The following AKT1 variants were observed in gnomAD, a reference collection of about 807,000 sequenced individuals.
The protein encoded by AKT1 is RAC-alpha serine/threonine-protein kinase.
In AKT1, 21 loss-of-function variants were observed where a neutral mutation model predicts 63.1. The observed-to-expected ratio is 0.33, with a 90% CI of 0.24 to 0.48. The LOEUF is 0.48. Ranked by LOEUF, AKT1 falls within the 20% of genes least tolerant of loss-of-function variation. The pLI is 0.99. For missense variants in AKT1, 382 were observed against 666.0 expected, an observed-to-expected ratio of 0.57 and a Z score of 4.69; for synonymous variants, 257 against 253.1, an observed-to-expected ratio of 1.02 and a Z score of -0.15.
chr14:104,776,693 C>T lies in AKT1; in HGVS notation c.253G>A (p.Glu85Lys), dbSNP rs1566818890. ...IRCLQWTTVI[E>K]RTFHVETPEE... ...GGAGTCTCCACATGGAAGGTGCGTTCGATGACAGTGGTCCACTGCAGGCAG... is the reference window on the plus strand; with the variant it reads ...GGAGTCTCCACATGGAAGGTGCGTTTGATGACAGTGGTCCACTGCAGGCAG... Residue 85 changes from glutamate (E) to lysine (K), a missense_variant, in exon 5 of 15, where the codon GAA becomes AAA. Coordinates refer to ENST00000649815, the MANE Select transcript of AKT1 (RefSeq NM_001382430.1). The T allele has an allele frequency of 6.2e-7, 1 of 1,613,444 alleles. No individual in the cohort carries two copies. Among genetic ancestry groups the T allele is most frequent in the Non-Finnish European group, 8.5e-7 (1 of 1,179,818 alleles).
chr14:104,773,970 T>C lies in AKT1; in HGVS notation c.644A>G (p.Tyr215Cys), dbSNP rs760384228. Reference protein sequence around the residue: ...SRHPFLTALKYSFQTHDRLCF... With the variant: ...SRHPFLTALKCSFQTHDRLCF... ...GAGGCGGTCGTGGGTCTGGAAAGAG[T>C]ACTTCAGGGCCTGCAAGGAAGGGGA... The change falls in exon 9 of 15, where the codon TAC becomes TGC. Residue 215 changes from tyrosine (Y) to cysteine (C), a missense_variant. Tyr to Cys is a radical substitution (Grantham distance 194, BLOSUM62 -2). Coordinates refer to ENST00000649815, the MANE Select transcript of AKT1 (RefSeq NM_001382430.1). 6.2e-7 allele frequency: 1 copy of C among 1,611,362 alleles called. No individual in the cohort carries two copies. The highest frequency in any genetic ancestry group is 1.1e-5 in the South Asian group (1 of 90,848).
chr14:104,775,267 T>C (rs2140919469), intron 6 of AKT1, 60 bp from the exon 7 acceptor site: 1 of 1,603,590 alleles, frequency 6.2e-7, no homozygotes, highest in Non-Finnish European at 8.5e-7. Flanking sequence ...CTGGTCGGCA[T>C]GCGTGGGGTG....
rs61758558 is a variant in AKT1, at chr14:104,790,018, G to T, written c.46+2580C>A. Reference sequence around the variant, plus strand: ...GATGACGCTCACCTCCCAAGGAGCAGGAGAAGGAGCCTGCAGACACTGCCA... The same window carrying T: ...GATGACGCTCACCTCCCAAGGAGCATGAGAAGGAGCCTGCAGACACTGCCA... On this transcript the variant is annotated intron_variant, in intron 3 of 14. Transcript: ENST00000649815. Among the ~76,000 whole-genome samples, 398 of 152,330 alleles carry T rather than the reference G, an allele frequency of 2.6e-3. 1 individual carries two copies. The highest frequency in any genetic ancestry group is 9.4e-3 in the African/African-American group (389 of 41,566).
intron 4 of AKT1, among the ~76,000 whole-genome samples, chr14:104,779,400 T>A (rs886642634): frequency 9.9e-5 from 15 of 152,174 alleles, no homozygotes; most frequent in Admixed American, 7.2e-4. Flanking sequence ...GATGGAGGCT[T>A]CAGAGCTGGA....
rs61761200 is a variant in AKT1, at chr14:104,772,617, C to T, written c.1173-165G>A. On this transcript the variant is annotated intron_variant, in intron 12 of 14. Coordinates refer to ENST00000649815, the MANE Select transcript of AKT1 (RefSeq NM_001382430.1). ...CTGAGCAGCTGTGGGTAGCAAAGCA[C>T]CACAGAGCTCACGGCAGGGCAGGGG... is the stretch of plus-strand genomic sequence containing the variant. Among the ~76,000 whole-genome samples the T allele has an allele frequency of 0.025, 3,758 of 152,308 alleles. 91 individuals are homozygous for T. Among genetic ancestry groups the T allele is most frequent in the African/African-American group, 0.065 (2,708 of 41,566 alleles).
At chr14:104,775,903 G>C (rs184103453) in intron 5 of AKT1, 104 bp from the exon 6 acceptor site, 1 of 1,416,672 alleles carries the variant, frequency 7.1e-7, no homozygotes, top group Non-Finnish European at 9.5e-7. Flanking sequence ...CACAGCTGTC[G>C]GGGTTCCCAG....
chr14:104,770,894 C>G (rs1595239216), intron 13 of AKT1, 47 bp from the exon 14 acceptor site: 1 of 1,543,340 alleles, frequency 6.5e-7, no homozygotes, highest in African/African-American at 1.4e-5. Flanking sequence ...GCTCCCCACT[C>G]CCAGCACACC....
chr14:104,787,214 A>G (rs1394109870), intron 3 of AKT1, among the ~76,000 whole-genome samples: 2 of 152,170 alleles, frequency 1.3e-5, no homozygotes, highest in African/African-American at 4.8e-5. Flanking sequence ...AAACACACCT[A>G]AAGGCGGCAT....
At chr14:104,794,440 A>T (rs1398166646) in intron 1 of AKT1, 1 of 152,282 alleles carries the variant, frequency 6.6e-6, no homozygotes, top group East Asian at 1.9e-4. Flanking sequence ...ACACCAGGCC[A>T]GCACAGGGCT....
intron 5 of AKT1, 40 bp downstream of exon 5, chr14:104,776,619 G>C (rs761224369): frequency 8.2e-6 from 13 of 1,580,032 alleles, no homozygotes; most frequent in Non-Finnish European, 1.1e-5. Flanking sequence ...AAGCGCTGGG[G>C]CTGCCCAAGT....
intron 4 of AKT1, among the ~76,000 whole-genome samples, chr14:104,779,677 C>CCGGCCT (rs1892923954): frequency 6.7e-6 from 1 of 149,442 alleles, no homozygotes; most frequent in African/African-American, 2.5e-5. Flanking sequence ...CCCTGCCCAG[C>CCGGCCT]CGGCCTCGGC....
chr14:104,781,893 C>A lies in AKT1; in HGVS notation c.47-1677G>T, dbSNP rs1050229929. ...CAGGGCCCAGAATCTGCCCCTGTGC[C>A]CAAGAGCACTCATCAGGAGACCCCA... is the stretch of plus-strand genomic sequence containing the variant. On this transcript the variant is annotated intron_variant, in intron 3 of 14. Coordinates refer to ENST00000649815, the MANE Select transcript of AKT1 (RefSeq NM_001382430.1). 3.0e-4 allele frequency among the ~76,000 whole-genome samples: 46 copies of A among 152,164 alleles called. 2 individuals carry two copies.
chr14:104,784,856 C>T (rs759531749), intron 3 of AKT1, among the ~76,000 whole-genome samples: 2 of 152,218 alleles, frequency 1.3e-5, no homozygotes, highest in African/African-American at 2.4e-5. Context: ...CTCCACGTCC[C>T]GGGACTGACC....
At chr14:104,781,653 C>T (rs999431543) in intron 3 of AKT1, among the ~76,000 whole-genome samples, 37 of 152,190 alleles carry the variant, frequency 2.4e-4, no homozygotes, top group African/African-American at 7.0e-4. Flanking sequence ...CACCACGGGG[C>T]GTGGTCTCCA....
At chr14:104,774,299 C>G in intron 8 of AKT1, 1 of 442,988 alleles carries the variant, frequency 2.3e-6, no homozygotes, top group Non-Finnish European at 4.2e-6. Context: ...CCGGCAGCCC[C>G]TGAGGTGCCA....
intron 9 of AKT1, 161 bp from the exon 10 acceptor site, chr14:104,773,741 A>G: frequency 7.9e-7 from 1 of 1,258,498 alleles, no homozygotes; most frequent in East Asian, 2.5e-5. Flanking sequence ...CTAACTCAGC[A>G]GGAACAAGTC....
chr14:104,783,120 C>T (rs61759797), intron 3 of AKT1, among the ~76,000 whole-genome samples: 3,734 of 152,204 alleles, frequency 0.025, 135 homozygotes, highest in African/African-American at 0.083. Flanking sequence ...CTGCCTACTC[C>T]GGGTCCCTCA....
chr14:104,782,434 C>T lies in AKT1; in HGVS notation c.47-2218G>A, dbSNP rs556708172. 3.9e-5 allele frequency among the ~76,000 whole-genome samples: 6 copies of T among 152,328 alleles called. No homozygotes were observed. In the East Asian group the frequency reaches 1.2e-3, roughly 29 times the overall value. Reference sequence around the variant, plus strand: ...CCGAGCACGCAGCTCCCGTGCCCAACCCCAGCCTTGCCCCTGACCCTGCTG... The same window carrying T: ...CCGAGCACGCAGCTCCCGTGCCCAATCCCAGCCTTGCCCCTGACCCTGCTG... On this transcript the variant is annotated intron_variant, in intron 3 of 14. Transcript: ENST00000649815.
At chr14:104,782,357 T>C (rs1595254175) in intron 3 of AKT1, among the ~76,000 whole-genome samples, 1 of 151,988 alleles carries the variant, frequency 6.6e-6, no homozygotes, top group Admixed American at 6.6e-5. Context: ...ACCCATCTTA[T>C]CCACCAACTG....
Sources: gnomAD v4.1 joint callset for allele counts (sites outside exome capture counted in the v4.1 genomes callset) on GRCh38, gnomAD v4.1.1 for gene constraint, MANE v1.5 for transcripts, NCBI Gene and HGNC (gene_info 2026-07-23, HGNC 2026-07-21) for gene names.